Variants in NAA38 observed in about 807,000 individuals in gnomAD.
NAA38 encodes the protein LSM domain containing 1.
In NAA38, 15 loss-of-function variants were observed where a neutral mutation model predicts 12.6. The observed-to-expected ratio is 1.19, with a 90% CI of 0.79 to 1.83. The LOEUF is 1.83. Ranked by LOEUF, NAA38 falls within the 40% of genes most tolerant of loss-of-function variation. The pLI is 0.00. For synonymous variants in NAA38, 88 were observed against 69.9 expected, an observed-to-expected ratio of 1.26 and a Z score of -1.29; for missense variants, 183 against 171.7, an observed-to-expected ratio of 1.07 and a Z score of -0.37.
upstream of NAA38, chr17:7,859,254 G>A (rs1285522843): frequency 2.8e-6 from 2 of 708,008 alleles, no homozygotes; most frequent in Non-Finnish European, 2.3e-6. Context: ...TGGAGTTTCA[G>A]CTTTTTTTTC....
At chr17:7,865,006 G>A (rs1305385894) in intron 3 of NAA38, 1 of 152,148 alleles carries the variant, frequency 6.6e-6, no homozygotes, top group Non-Finnish European at 1.5e-5. Flanking sequence ...CGATTTAGGA[G>A]CATTTTGGGT....
intron 2 of NAA38, among the ~76,000 whole-genome samples, chr17:7,868,775 C>G (rs897499464): frequency 6.6e-6 from 1 of 152,196 alleles, no homozygotes; most frequent in Non-Finnish European, 1.5e-5. Flanking sequence ...TTTTCAGCAT[C>G]CAGGTAACAT....
chr17:7,869,449 T>C (rs148631535), intron 2 of NAA38, among the ~76,000 whole-genome samples: 1 of 152,318 alleles, frequency 6.6e-6, no homozygotes, highest in Non-Finnish European at 1.5e-5. Context: ...ATTAATTATA[T>C]CTCATTCAGT....
At chr17:7,872,551 CG>C (rs1567817686) in intron 2 of NAA38, among the ~76,000 whole-genome samples, 1 of 152,096 alleles carries the variant, frequency 6.6e-6, no homozygotes, top group African/African-American at 2.4e-5. Flanking sequence ...TTAATAGAGA[CG>C]GGGTTTCACC....
chr17:7,861,785 G>C (rs145133723), upstream of NAA38: 2 of 152,336 alleles, frequency 1.3e-5, no homozygotes, highest in African/African-American at 4.8e-5. Context: ...GCTGCAATGA[G>C]AGTCAGCTAT....
At chr17:7,884,908 G>A in intron 1 of NAA38, 1 of 1,417,348 alleles carries the variant, frequency 7.1e-7, no homozygotes, top group Non-Finnish European at 9.3e-7. Flanking sequence ...AGGAGGAGGA[G>A]GAGGTGGAGG....
chr17:7,882,687 A>G (rs1421940007), intron 2 of NAA38, among the ~76,000 whole-genome samples: 1 of 149,436 alleles, frequency 6.7e-6, no homozygotes, highest in African/African-American at 2.5e-5. Context: ...AGGCCAGGTT[A>G]AAAAAAAAAG....
intron 1 of NAA38, chr17:7,884,796 A>C: frequency 1.8e-6 from 1 of 542,278 alleles, no homozygotes; most frequent in Non-Finnish European, 2.8e-6. Flanking sequence ...TGGGGGGGCC[A>C]GAGCCACAGG....
chr17:7,858,183 C>T (rs1308519307), upstream of NAA38: 3 of 1,613,864 alleles, frequency 1.9e-6, no homozygotes, highest in Admixed American at 1.7e-5. Flanking sequence ...GTATTTTCAG[C>T]GTCGCTATTT....
At position 7,873,839 on chromosome 17, in the gene NAA38, T is replaced by C. The variant is rs373658643; in HGVS notation, c.-65-7281A>G. Reference sequence around the variant, plus strand: ...AGTAGATAAGATTTTCTATCCATTATGATATTAAAATGAACATAGGTATCC... The same window carrying C: ...AGTAGATAAGATTTTCTATCCATTACGATATTAAAATGAACATAGGTATCC... On this transcript the variant is annotated intron_variant, in intron 2 of 4. Coordinates refer to the NAA38 transcript ENST00000576861. Among the ~76,000 whole-genome samples, 132 of 152,342 alleles carry C rather than the reference T, an allele frequency of 8.7e-4. 1 individual carries two copies. The highest frequency in any genetic ancestry group is 3.0e-3 in the African/African-American group (126 of 41,580).
chr17:7,869,978 T>C (rs545335339), intron 2 of NAA38, among the ~76,000 whole-genome samples: 3 of 152,312 alleles, frequency 2.0e-5, no homozygotes, highest in African/African-American at 7.2e-5. Context: ...AGCAAGATAC[T>C]TCTAGCTGGC....
At chr17:7,858,770 G>C (rs770185005), upstream of NAA38, 16 of 1,588,140 alleles carry the variant, frequency 1.0e-5, no homozygotes, top group Admixed American at 2.9e-4. Context: ...TGTCTGCCAA[G>C]ACCCGGAGCA....
At chr17:7,866,256 T>TC (rs1966975444) in intron 3 of NAA38, among the ~76,000 whole-genome samples, 1 of 83,124 alleles carries the variant, frequency 1.2e-5, no homozygotes, top group Non-Finnish European at 2.3e-5. Flanking sequence ...CCGGCTAATT[T>TC]TTTTTTTTTT....
chr17:7,858,849 G>T (rs1567813047), upstream of NAA38: 1 of 1,509,654 alleles, frequency 6.6e-7, no homozygotes, highest in African/African-American at 1.4e-5. Context: ...CAAGGAGCAG[G>T]TTAGAAGGAA....
At position 7,857,514 on chromosome 17, in the gene NAA38, T is replaced by C; in HGVS notation, c.-51A>G. On this transcript the variant is annotated 5_prime_UTR_variant, in exon 1 of 3. Transcript: ENST00000575771. ...TTCAACTTCCTAAGCACCTTTCAGG[T>C]TGGGTGGTCCGAGATCTCGCGAGCG... The C allele has an allele frequency of 1.4e-6, 2 of 1,479,604 alleles. No homozygotes were observed. The highest frequency in any genetic ancestry group is 4.9e-5 in the East Asian group (2 of 41,082). 91.7% of individuals were successfully genotyped at this position (1,479,604 alleles called of 1,614,324 possible). A position where few individuals can be genotyped will look rare whatever the true frequency, so the allele number is the denominator to read the frequency against.
At chr17:7,880,966 A>C (rs1486295393) in intron 2 of NAA38, among the ~76,000 whole-genome samples, 2 of 152,202 alleles carry the variant, frequency 1.3e-5, no homozygotes, top group African/African-American at 4.8e-5. Context: ...CAGAGATGGC[A>C]AGCCCAGCCA....
chr17:7,867,922 A>G (rs913423848), intron 2 of NAA38, among the ~76,000 whole-genome samples: 2 of 152,174 alleles, frequency 1.3e-5, no homozygotes, highest in African/African-American at 4.8e-5. Flanking sequence ...GATGACTAGG[A>G]GGATGGTGAG....
In NAA38 at chr17:7,857,138, G is replaced by C; in HGVS notation, c.142C>G (p.Leu48Val). The change falls in exon 2 of 3, where the codon CTG (leucine) becomes GTG (valine). Residue 48 changes from leucine (L) to valine (V), a missense_variant. Coordinates refer to ENST00000575771, the MANE Select transcript of NAA38 (RefSeq NM_001320925.4). Reference protein sequence around the residue: ...AERARQQLEALLNKTMRIRMT... With the variant: ...AERARQQLEAVLNKTMRIRMT... ...CGAATGCGCATAGTCTTGTTGAGCA[G>C]CGCCTCTAGCTGCTGTCGGGCGCGC... 5 of 1,613,220 alleles carry C rather than the reference G, an allele frequency of 3.1e-6. No individual in the cohort carries two copies. Among genetic ancestry groups the C allele is most frequent in the Non-Finnish European group, 4.2e-6 (5 of 1,180,046 alleles).
intron 3 of NAA38, chr17:7,863,739 T>G (rs2151388214): frequency 6.6e-6 from 1 of 152,206 alleles, no homozygotes; most frequent in Middle Eastern, 3.4e-3. Flanking sequence ...CCCAACCCCC[T>G]ACTCCTACTC....
Sources: gnomAD v4.1 joint callset for allele counts (sites outside exome capture counted in the v4.1 genomes callset) on GRCh38, gnomAD v4.1.1 for gene constraint, MANE v1.5 for transcripts, NCBI Gene and HGNC (gene_info 2026-07-23, HGNC 2026-07-21) for gene names.